PUDP: variants seen among roughly 807,000 people sequenced by gnomAD.
PUDP encodes the protein pseudouridine 5'-phosphatase, also known as pseudouridine-5'-phosphatase.
A neutral mutation model predicts 9.4 loss-of-function variants in PUDP; 8 were observed. The ratio of observed to expected loss-of-function variants is 0.85; its 90% CI spans 0.50 to 1.53. PUDP has a LOEUF of 1.53. Ranked by LOEUF, PUDP falls within the 40% of genes most tolerant of loss-of-function variation. The pLI, the probability that PUDP is intolerant of heterozygous loss-of-function variation, is 0.00. For missense variants in PUDP, 188 were observed against 189.7 expected, an observed-to-expected ratio of 0.99 and a Z score of 0.05; for synonymous variants, 99 against 80.7, an observed-to-expected ratio of 1.23 and a Z score of -1.22.
chrX:6,891,819 C>T lies in PUDP; in HGVS notation c.*247+85314G>A, dbSNP rs139344482. On this transcript the variant is annotated intron_variant and NMD_transcript_variant, in intron 3 of 3. Coordinates refer to the PUDP transcript ENST00000655425. ...GAAGACCTCTATGGTTCCTACCTTC[C>T]GCTTTCCCTTATCCCCATACTCTCA... 7.8e-3 allele frequency among the ~76,000 whole-genome samples: 871 copies of T among 112,032 alleles called. 7 individuals are homozygous for T. The highest frequency in any genetic ancestry group is 0.025 in the African/African-American group (762 of 30,874).
chrX:6,921,415 C>T (rs1032710617), intron 3 of PUDP, among the ~76,000 whole-genome samples: 1 of 110,706 alleles, frequency 9.0e-6, no homozygotes, highest in Non-Finnish European at 1.9e-5. Context: ...AAATACCACT[C>T]ACAACTCTCA....
intron 3 of PUDP, among the ~76,000 whole-genome samples, chrX:6,844,067 G>T (rs916879928): frequency 3.6e-4 from 40 of 112,340 alleles, no homozygotes; most frequent in African/African-American, 1.1e-3. Context: ...GAGGCTGCCT[G>T]CTTTCCTTGG....
chrX:6,833,922 CT>C (rs1160159924), intron 3 of PUDP, among the ~76,000 whole-genome samples: 1 of 112,288 alleles, frequency 8.9e-6, no homozygotes, highest in Non-Finnish European at 1.9e-5. Flanking sequence ...TAAAGACATT[CT>C]TTAAAAATAA....
At position 6,821,320 on chromosome X, in the gene PUDP, G is replaced by A. The variant is rs371448039; in HGVS notation, c.*248-114854C>T. 2.7e-5 allele frequency among the ~76,000 whole-genome samples: 3 copies of A among 111,609 alleles called. No homozygotes were observed. The South Asian group carries it at 1.2e-3, about 43-fold the overall frequency. The stretch of plus-strand genomic sequence containing the variant: ...GCCTGTGCGTGGGGCTCAAGGCACA[G>A]GTCCAATTATCTGATGAAGGTAGGG... On this transcript the variant is annotated intron_variant and NMD_transcript_variant, in intron 3 of 3. Coordinates refer to the PUDP transcript ENST00000655425.
At position 7,077,510 on chromosome X, in the gene PUDP, G is replaced by A. The variant is rs1460888742; in HGVS notation, c.281-61C>T. The A allele has an allele frequency of 4.5e-6, 4 of 879,368 alleles. No individual in the cohort carries two copies. The Admixed American group carries it at 9.8e-5, about 22-fold the overall frequency. The allele number at this position is 879,368 out of a possible 1,213,427, so 72.5% of individuals were successfully genotyped here. ...GAGGCCTCCACCATAAGACCTTCTT[G>A]CAGGGACAGTCCCTCCAGCTGTGTG... On this transcript the variant is annotated intron_variant, in intron 2 of 3. Coordinates refer to ENST00000381077, the MANE Select transcript of PUDP (RefSeq NM_012080.5).
At chrX:6,806,801 C>A (rs1351745508) in intron 3 of PUDP, among the ~76,000 whole-genome samples, 1 of 112,284 alleles carries the variant, frequency 8.9e-6, no homozygotes, top group Admixed American at 9.4e-5. Context: ...GGAGAGAAGC[C>A]CAGGAATTAT....
chrX:6,860,533 T>C (rs1242258045), intron 3 of PUDP, among the ~76,000 whole-genome samples: 1 of 108,414 alleles, frequency 9.2e-6, no homozygotes, highest in African/African-American at 3.3e-5. Flanking sequence ...TGCAGTGGCA[T>C]GATCTCGGCT....
chrX:6,749,330 C>CTGT (rs1332886733), intron 3 of PUDP, among the ~76,000 whole-genome samples: 1 of 111,355 alleles, frequency 9.0e-6, no homozygotes, highest in East Asian at 2.8e-4. Flanking sequence ...TGAATTTTCA[C>CTGT]TGTTGGATGT....
At chrX:6,789,407 T>C (rs1925701175) in intron 3 of PUDP, among the ~76,000 whole-genome samples, 1 of 111,743 alleles carries the variant, frequency 8.9e-6, no homozygotes, top group African/African-American at 3.3e-5. Context: ...GCAGGGAATG[T>C]GGGTCACTCG....
chrX:7,075,433 A>G (rs1930865126), intron 3 of PUDP, among the ~76,000 whole-genome samples: 1 of 111,622 alleles, frequency 9.0e-6, no homozygotes, highest in Admixed American at 9.5e-5. Flanking sequence ...TGAACCCGGG[A>G]GGTGGAGGTT....
intron 3 of PUDP, among the ~76,000 whole-genome samples, chrX:6,906,050 C>T (rs12006856): frequency 0.035 from 3,870 of 111,853 alleles, 104 homozygotes; most frequent in African/African-American, 0.088. Flanking sequence ...TCATCAAAAC[C>T]TTTTCATTAT....
chrX:6,725,151 C>T (rs1336543185), upstream of PUDP, among the ~76,000 whole-genome samples: 1 of 111,432 alleles, frequency 9.0e-6, no homozygotes, highest in Non-Finnish European at 1.9e-5. Flanking sequence ...CAGGGGAGGG[C>T]AGAGAGAATG....
chrX:7,024,380 G>A (rs1929676334), intron 1 of PUDP, among the ~76,000 whole-genome samples: 1 of 111,472 alleles, frequency 9.0e-6, no homozygotes, highest in African/African-American at 3.3e-5. Context: ...CTGCTGTAGG[G>A]TTTTAATAAG....
chrX:6,908,093 C>T (rs1309779191), intron 3 of PUDP, among the ~76,000 whole-genome samples: 1 of 112,264 alleles, frequency 8.9e-6, no homozygotes, highest in African/African-American at 3.2e-5. Context: ...ATCAGGGCCA[C>T]CCAGTACAAT....
At chrX:7,128,216 A>G (rs1932531208) in intron 1 of PUDP, among the ~76,000 whole-genome samples, 2 of 110,048 alleles carry the variant, frequency 1.8e-5, no homozygotes, top group South Asian at 3.9e-4. Flanking sequence ...TGATTTTTGT[A>G]TTTTTTGTAG....
At chrX:7,042,998 G>A (rs1390466896) in intron 1 of PUDP, among the ~76,000 whole-genome samples, 1 of 111,767 alleles carries the variant, frequency 8.9e-6, no homozygotes, top group Non-Finnish European at 1.9e-5. Context: ...GCCTGGCAGA[G>A]GGCTGTGAAC....
chrX:6,900,321 C>G (rs911380315), intron 3 of PUDP, among the ~76,000 whole-genome samples: 2 of 64,925 alleles, frequency 3.1e-5, no homozygotes, highest in Non-Finnish European at 6.4e-5. Flanking sequence ...TTGGTTGTCA[C>G]CACTTGGGGG....
At chrX:7,124,113 A>G (rs753911366) in intron 1 of PUDP, among the ~76,000 whole-genome samples, 2 of 112,320 alleles carry the variant, frequency 1.8e-5, no homozygotes, top group East Asian at 2.8e-4. Context: ...TTAAGTGCAC[A>G]TGGAAAATTA....
chrX:6,847,018 A>G (rs1926759628), intron 3 of PUDP, among the ~76,000 whole-genome samples: 1 of 112,069 alleles, frequency 8.9e-6, no homozygotes, highest in Non-Finnish European at 1.9e-5. Context: ...CTCTACAGGA[A>G]GCTCTGTGGT....
Sources: allele counts gnomAD v4.1 joint callset (sites outside exome capture counted in the v4.1 genomes callset), GRCh38; gene constraint gnomAD v4.1.1; transcripts MANE v1.5; gene names NCBI Gene and HGNC (gene_info 2026-07-23, HGNC 2026-07-21).